Variants in VPS13D observed in about 807,000 individuals in gnomAD.
The protein encoded by VPS13D is intermembrane lipid transfer protein VPS13D.
VPS13D carries 187 observed loss-of-function variants against 461.9 expected under a neutral mutation model. The ratio of observed to expected loss-of-function variants is 0.40; its 90% CI spans 0.36 to 0.46. The LOEUF is 0.46. Among genes scored for constraint, VPS13D ranks in the 20% least tolerant of loss-of-function variants. VPS13D has a pLI of 0.60. For missense variants in VPS13D, 4,711 were observed against 5,364.9 expected (o/e 0.88, Z 3.81); for synonymous variants, 1,951 against 1,986.3 (o/e 0.98, Z 0.47).
At chr1:12,270,044 A>G (rs996444147) in intron 16 of VPS13D, among the ~76,000 whole-genome samples, 9 of 152,146 alleles carry the variant, frequency 5.9e-5, no homozygotes, top group African/African-American at 1.9e-4. Context: ...AGCCCCAGCT[A>G]CTCGGGAGGC....
At chr1:12,357,832 C>G (rs544708498) in intron 49 of VPS13D, among the ~76,000 whole-genome samples, 19 of 152,098 alleles carry the variant, frequency 1.2e-4, no homozygotes, top group Non-Finnish European at 2.8e-4. Flanking sequence ...GGTGAAACCC[C>G]TTCTCTACTA....
At position 12,505,327 on chromosome 1, in the gene VPS13D, C is replaced by G. The variant is rs1646091094; in HGVS notation, c.12795-1526C>G. On this transcript the variant is annotated intron_variant, in intron 68 of 69. Transcript: ENST00000620676. The surrounding 1 kb of genome is among the most constrained non-coding windows in gnomAD (Gnocchi z 4.2). ...AACTCTGTTCAGTGATGCTGCCGCT[C>G]TCAATGCGGTTAGAGCGCAAGATGT... Among the ~76,000 whole-genome samples the G allele has an allele frequency of 6.6e-6, 1 of 152,250 alleles. No individual in the cohort carries two copies. The highest frequency in any genetic ancestry group is 1.5e-5 in the Non-Finnish European group (1 of 68,046).
At chr1:12,462,354 G>A (rs888456428) in intron 67 of VPS13D, among the ~76,000 whole-genome samples, 2 of 152,154 alleles carry the variant, frequency 1.3e-5, no homozygotes, top group African/African-American at 4.8e-5. Context: ...GAGTTGGCCA[G>A]GTGAAGAGAA....
chr1:12,261,155 G>T lies in VPS13D; in HGVS notation c.1414+6G>T. On this transcript the variant is annotated splice_donor_region_variant and intron_variant, in intron 12 of 69. Coordinates refer to ENST00000620676, the MANE Select transcript of VPS13D (RefSeq NM_015378.4). ...GATTCCTGAAGAGATCCTGGGTACGGTGGGAGCTGGCCTTCACTTGATTCA... is the reference window on the plus strand; with the variant it reads ...GATTCCTGAAGAGATCCTGGGTACGTTGGGAGCTGGCCTTCACTTGATTCA... 6.2e-7 allele frequency: 1 copy of T among 1,614,124 alleles called. No individual in the cohort carries two copies. The highest frequency in any genetic ancestry group is 2.2e-5 in the East Asian group (1 of 44,884).
chr1:12,446,904 A>G (rs12068684), intron 65 of VPS13D, among the ~76,000 whole-genome samples: 14,242 of 152,158 alleles, frequency 0.094, 1,068 homozygotes, highest in African/African-American at 0.2. Context: ...GATCCACATA[A>G]CGGACATGTA....
intron 46 of VPS13D, among the ~76,000 whole-genome samples, chr1:12,353,644 G>C (rs942379297): frequency 1.3e-5 from 2 of 151,146 alleles, no homozygotes; most frequent in African/African-American, 4.9e-5. Flanking sequence ...AGTGATAAAT[G>C]TTAGAAAGGG....
In VPS13D at chr1:12,322,576, A is replaced by G; in HGVS notation, c.7745A>G (p.Asp2582Gly). 1 of 1,614,204 alleles carries G rather than the reference A, an allele frequency of 6.2e-7. No homozygotes were observed. The highest frequency in any genetic ancestry group is 8.5e-7 in the Non-Finnish European group (1 of 1,180,026). ...CTGGATATCAGACTCTCCTATAATG[A>G]TGTTCAGCTGTTTCTTGCCATTGCA... is the stretch of plus-strand genomic sequence containing the variant. ...QALDIRLSYNDVQLFLAIAKS... is the reference protein window; with the variant it reads ...QALDIRLSYNGVQLFLAIAKS... Residue 2582 changes from aspartate (D) to glycine (G), a missense_variant, in exon 34 of 70, where the codon GAT becomes GGT. Coordinates refer to ENST00000620676, the MANE Select transcript of VPS13D (RefSeq NM_015378.4).
At chr1:12,493,126 A>G (rs992131355) in intron 67 of VPS13D, among the ~76,000 whole-genome samples, 1 of 150,714 alleles carries the variant, frequency 6.6e-6, no homozygotes, top group Non-Finnish European at 1.5e-5. Context: ...AGAGAGCCCA[A>G]TGATGAGAGT....
At chr1:12,253,855 A>G (rs984314985) in intron 7 of VPS13D, 29 bp downstream of exon 7, 1 of 1,593,186 alleles carries the variant, frequency 6.3e-7, no homozygotes, top group Non-Finnish European at 8.6e-7. Context: ...GATTTGTTGC[A>G]AGACAGCATG....
chr1:12,469,863 T>G (rs1350874033), intron 67 of VPS13D, among the ~76,000 whole-genome samples: 2 of 152,198 alleles, frequency 1.3e-5, no homozygotes, highest in East Asian at 3.9e-4. Flanking sequence ...TACTTCAAAG[T>G]GCAGAATCTT....
At chr1:12,488,455 A>G (rs1161617618) in intron 67 of VPS13D, among the ~76,000 whole-genome samples, 3 of 152,166 alleles carry the variant, frequency 2.0e-5, no homozygotes, top group Non-Finnish European at 2.9e-5. Context: ...TTTCCAGTCT[A>G]TGTTTGTTCC....
chr1:12,320,490 A>G (rs887345704), intron 32 of VPS13D, among the ~76,000 whole-genome samples: 1 of 152,026 alleles, frequency 6.6e-6, no homozygotes, highest in East Asian at 1.9e-4. Flanking sequence ...ACTTATTTTC[A>G]CTGTTAGGAG....
intron 26 of VPS13D, among the ~76,000 whole-genome samples, chr1:12,305,009 A>C (rs748453137): frequency 2.0e-5 from 3 of 152,248 alleles, no homozygotes; most frequent in Non-Finnish European, 4.4e-5. Context: ...AGGTGAAAAT[A>C]GTTGCCACCA....
intron 67 of VPS13D, among the ~76,000 whole-genome samples, chr1:12,471,222 A>G (rs1427534430): frequency 6.6e-6 from 1 of 152,092 alleles, no homozygotes; most frequent in East Asian, 1.9e-4. Context: ...AATCGCTTGA[A>G]CCTAGGAGGC....
intron 67 of VPS13D, among the ~76,000 whole-genome samples, chr1:12,464,005 C>T (rs913197813): frequency 1.3e-5 from 2 of 152,142 alleles, no homozygotes; most frequent in African/African-American, 2.4e-5. Flanking sequence ...TTTTAAAGTC[C>T]TATTAAAGGA....
At chr1:12,347,409 A>T (rs372587035) in intron 44 of VPS13D, among the ~76,000 whole-genome samples, 2 of 152,288 alleles carry the variant, frequency 1.3e-5, no homozygotes, top group African/African-American at 4.8e-5. Context: ...TGACCTCGTG[A>T]TCTGCCTGCC....
chr1:12,289,681 C>T lies in VPS13D; in HGVS notation c.5726-1317C>T, dbSNP rs1051159826. On this transcript the variant is annotated intron_variant, in intron 22 of 69. Transcript: ENST00000620676. ...TCTAAAATAAGTATGTGGCTGGGCA[C>T]GGTGGCTCACGCCTGTAATCCTAGC... Among the ~76,000 whole-genome samples, 8 of 150,964 alleles carry T rather than the reference C, an allele frequency of 5.3e-5. No individual in the cohort carries two copies. The South Asian group carries it at 6.3e-4, about 12-fold the overall frequency.
chr1:12,266,797 C>CT, intron 13 of VPS13D, 84 bp from the exon 14 acceptor site: 1 of 1,208,290 alleles, frequency 8.3e-7, no homozygotes. Flanking sequence ...TAATAATCTT[C>CT]TGTAAAATAG....
In VPS13D at chr1:12,397,090, C is replaced by T. The variant is rs546578543; in HGVS notation, c.11635-3091C>T. 5.3e-5 allele frequency among the ~76,000 whole-genome samples: 8 copies of T among 152,268 alleles called. 1 individual carries two copies. The highest frequency in any genetic ancestry group is 7.4e-5 in the Non-Finnish European group (5 of 68,018). On this transcript the variant is annotated intron_variant, in intron 60 of 69. Transcript: ENST00000620676. ...ATGGGATTACAGGTGCCCGCCACCACGCCCAGCAATTTTCGTAGTTTTTAG... is the reference window on the plus strand; with the variant it reads ...ATGGGATTACAGGTGCCCGCCACCATGCCCAGCAATTTTCGTAGTTTTTAG...
Sources: allele counts gnomAD v4.1 joint callset (sites outside exome capture counted in the v4.1 genomes callset), GRCh38; gene constraint gnomAD v4.1.1; non-coding constraint Gnocchi (gnomAD v3.1); transcripts MANE v1.5; gene names NCBI Gene and HGNC (gene_info 2026-07-23, HGNC 2026-07-21).